Variants in ATP10A observed in about 807,000 individuals in gnomAD.
ATP10A encodes the protein phospholipid-transporting ATPase VA.
ATP10A carries 111 observed loss-of-function variants against 147.8 expected under a neutral mutation model. That is an observed-to-expected ratio of 0.75 (90% CI 0.64 to 0.88). ATP10A has a LOEUF of 0.88. Ranked by LOEUF, ATP10A falls within the 40% of genes least tolerant of loss-of-function variation. The pLI, the probability that ATP10A is intolerant of heterozygous loss-of-function variation, is 0.00. For synonymous variants in ATP10A, 875 were observed against 841.6 expected (o/e 1.04, Z -0.69); for missense variants, 1,927 against 1,959.0 (o/e 0.98, Z 0.31).
intron 4 of ATP10A, among the ~76,000 whole-genome samples, chr15:25,726,607 A>T (rs4906756): frequency 0.8 from 120,950 of 151,684 alleles, 49,266 homozygotes; most frequent in Non-Finnish European, 0.89. Context: ...ACGCCCAGCT[A>T]ATTTTTTGTG....
At chr15:25,838,462 C>T (rs949657619) in intron 1 of ATP10A, among the ~76,000 whole-genome samples, 1 of 152,144 alleles carries the variant, frequency 6.6e-6, no homozygotes. Context: ...CAAAGCCACC[C>T]TTGGCAACCT....
Position 25,728,940 on chromosome 15 carries a change from C to G in ATP10A, c.741-1674G>C, listed in dbSNP as rs374553216. On this transcript the variant is annotated intron_variant, in intron 3 of 20. Coordinates refer to ENST00000555815, the MANE Select transcript of ATP10A (RefSeq NM_024490.4). ...TGGAGAACGACATCACCATCAGGTG[C>G]CTGGTACCTGGGCTAGAGGCTGCCT... Among the ~76,000 whole-genome samples, 263 of 152,306 alleles carry G rather than the reference C, an allele frequency of 1.7e-3. 1 individual carries two copies. The highest frequency in any genetic ancestry group is 0.01 in the Middle Eastern group (3 of 294).
At chr15:25,723,819 AAC>A in intron 6 of ATP10A, 70 bp downstream of exon 6, 4 of 1,326,894 alleles carry the variant, frequency 3.0e-6, no homozygotes, top group Non-Finnish European at 4.0e-6. Context: ...GGAAATTCTG[AAC>A]AGAGTATGAT....
chr15:25,698,253 C>A (rs962072069), intron 13 of ATP10A, among the ~76,000 whole-genome samples: 3 of 152,210 alleles, frequency 2.0e-5, no homozygotes, highest in African/African-American at 4.8e-5. Flanking sequence ...TAAGTCTGTA[C>A]TATCCTCACA....
At chr15:25,847,437 T>C (rs899004684) in intron 1 of ATP10A, among the ~76,000 whole-genome samples, 1 of 152,108 alleles carries the variant, frequency 6.6e-6, no homozygotes, top group Non-Finnish European at 1.5e-5. Context: ...CAGGCAAGTA[T>C]ATGGTGCTAG....
chr15:25,775,330 T>C (rs1889548660), intron 2 of ATP10A, among the ~76,000 whole-genome samples: 1 of 152,246 alleles, frequency 6.6e-6, no homozygotes, highest in African/African-American at 2.4e-5. Context: ...AGCTTCTGAA[T>C]TCTGTCAAGT....
intron 2 of ATP10A, among the ~76,000 whole-genome samples, chr15:25,774,039 G>GTT (rs11382751): frequency 2.5e-4 from 37 of 147,662 alleles, no homozygotes; most frequent in African/African-American, 6.7e-4. Context: ...TTAAATTCCC[G>GTT]TTTTTTTTTT....
chr15:25,771,994 C>T (rs1310163834), intron 2 of ATP10A, among the ~76,000 whole-genome samples: 6 of 152,126 alleles, frequency 3.9e-5, no homozygotes, highest in Non-Finnish European at 4.4e-5. Flanking sequence ...TCAGGTGATC[C>T]ACCTGCCTCA....
chr15:25,725,316 G>A (rs899013113), intron 5 of ATP10A, among the ~76,000 whole-genome samples: 2 of 152,180 alleles, frequency 1.3e-5, no homozygotes, highest in African/African-American at 2.4e-5. Flanking sequence ...GTGCCAAAAA[G>A]GTTGGGGACT....
intron 1 of ATP10A, among the ~76,000 whole-genome samples, chr15:25,856,131 G>T (rs4906794): frequency 6.6e-6 from 1 of 152,038 alleles, no homozygotes; most frequent in Non-Finnish European, 1.5e-5. Context: ...TACTGATATG[G>T]GTTGGCTCTC....
At chr15:25,686,584 T>C (rs1899719696) in intron 16 of ATP10A, among the ~76,000 whole-genome samples, 1 of 107,716 alleles carries the variant, frequency 9.3e-6, no homozygotes, top group Non-Finnish European at 1.7e-5. Context: ...ATACACCTTT[T>C]ATTTTATTTT....
At chr15:25,675,079 CT>C (rs1335486465), downstream of ATP10A, among the ~76,000 whole-genome samples, 2 of 152,214 alleles carry the variant, frequency 1.3e-5, no homozygotes, top group African/African-American at 4.8e-5. Context: ...TGTGCGCACG[CT>C]GCTCGGGGAA....
At chr15:25,762,735 A>C (rs367913103) in intron 2 of ATP10A, among the ~76,000 whole-genome samples, 86 of 151,958 alleles carry the variant, frequency 5.7e-4, no homozygotes, top group African/African-American at 2.0e-3. Context: ...GTGTGGCACC[A>C]TGCCCAGCTA....
intron 2 of ATP10A, among the ~76,000 whole-genome samples, chr15:25,752,884 T>G (rs889459485): frequency 6.6e-6 from 1 of 152,224 alleles, no homozygotes; most frequent in Admixed American, 6.5e-5. Flanking sequence ...ACCTCCTTGC[T>G]TAAATTTCTT....
chr15:25,859,228 T>C (rs1246773113), intron 1 of ATP10A, among the ~76,000 whole-genome samples: 1 of 152,188 alleles, frequency 6.6e-6, no homozygotes, highest in Non-Finnish European at 1.5e-5. Flanking sequence ...GTTGCTCTGC[T>C]GCCCCCTCAG....
At chr15:25,764,892 T>C (rs558877170) in intron 2 of ATP10A, among the ~76,000 whole-genome samples, 1 of 152,292 alleles carries the variant, frequency 6.6e-6, no homozygotes, top group African/African-American at 2.4e-5. Context: ...GTGGCTTCCA[T>C]GACTGGGTTC....
chr15:25,745,810 T>A (rs989583003), intron 2 of ATP10A, among the ~76,000 whole-genome samples: 6 of 152,138 alleles, frequency 3.9e-5, no homozygotes, highest in Non-Finnish European at 7.4e-5. Context: ...AGAATACAAA[T>A]CAATTAATGT....
intron 1 of ATP10A, among the ~76,000 whole-genome samples, chr15:25,855,033 T>G (rs1893448207): frequency 7.2e-6 from 1 of 139,268 alleles, no homozygotes; most frequent in African/African-American, 2.8e-5. Flanking sequence ...CACTCCAGCC[T>G]GGGCAACAAG....
intron 1 of ATP10A, among the ~76,000 whole-genome samples, chr15:25,823,016 A>C (rs1891953360): frequency 6.6e-6 from 1 of 152,166 alleles, no homozygotes; most frequent in African/African-American, 2.4e-5. Flanking sequence ...AGAACTATTG[A>C]TGCTTCTGCA....
Sources: gnomAD v4.1 joint callset for allele counts (sites outside exome capture counted in the v4.1 genomes callset) on GRCh38, gnomAD v4.1.1 for gene constraint, MANE v1.5 for transcripts, NCBI Gene and HGNC (gene_info 2026-07-23, HGNC 2026-07-21) for gene names.